The following THSD7A variants were observed in gnomAD, a reference collection of about 807,000 sequenced individuals.
The protein encoded by THSD7A is thrombospondin type-1 domain-containing protein 7A.
Under a neutral mutation model 231.3 loss-of-function variants are expected in THSD7A, and 96 were observed. The ratio of observed to expected loss-of-function variants is 0.41; its 90% CI spans 0.35 to 0.49. The LOEUF is 0.49. Among genes scored for constraint, THSD7A ranks in the 20% least tolerant of loss-of-function variants. The pLI is 0.05. For synonymous variants in THSD7A, 940 were observed against 743.3 expected (o/e 1.26, Z -4.30); for missense variants, 2,290 against 2,070.2 (o/e 1.11, Z -2.06).
chr7:11,498,576 G>A (rs1351965050), intron 6 of THSD7A, among the ~76,000 whole-genome samples: 2 of 152,122 alleles, frequency 1.3e-5, no homozygotes, highest in Non-Finnish European at 2.9e-5. Context: ...AAGTGACCGG[G>A]GGCTGAAGTG....
At chr7:11,505,918 G>A (rs1157072631) in intron 6 of THSD7A, among the ~76,000 whole-genome samples, 2 of 152,162 alleles carry the variant, frequency 1.3e-5, no homozygotes, top group Admixed American at 1.3e-4. Context: ...GGACTTGCGG[G>A]ATGGGGAATC....
chr7:11,820,859 C>T (rs1341345775), intron 1 of THSD7A: 1 of 926,586 alleles, frequency 1.1e-6, no homozygotes, highest in South Asian at 1.3e-5. Flanking sequence ...TTTCTGTTTT[C>T]TCAGCTGACC....
intron 4 of THSD7A, among the ~76,000 whole-genome samples, chr7:11,581,935 T>C (rs201045499): frequency 6.6e-6 from 1 of 152,150 alleles, no homozygotes; most frequent in Non-Finnish European, 1.5e-5. Flanking sequence ...CCAGCGGTGG[T>C]GACTGTTTGG....
chr7:11,469,763 A>C (rs763937593), intron 9 of THSD7A, 116 bp downstream of exon 9: 4 of 626,510 alleles, frequency 6.4e-6, no homozygotes, highest in Non-Finnish European at 1.1e-5. Flanking sequence ...ATGCATGTCA[A>C]ATCAGGTTTA....
chr7:11,429,452 G>T (rs1784415856), intron 13 of THSD7A, among the ~76,000 whole-genome samples: 1 of 152,192 alleles, frequency 6.6e-6, no homozygotes, highest in Non-Finnish European at 1.5e-5. Context: ...CTGACAGAAT[G>T]ATACATTAAA....
intron 2 of THSD7A, among the ~76,000 whole-genome samples, chr7:11,602,029 A>T (rs1282066956): frequency 1.3e-5 from 2 of 152,194 alleles, no homozygotes; most frequent in Non-Finnish European, 2.9e-5. Context: ...TTTTTAGCCA[A>T]TGCCAAAGTT....
At chr7:11,719,146 G>C (rs1340088305) in intron 1 of THSD7A, among the ~76,000 whole-genome samples, 1 of 151,516 alleles carries the variant, frequency 6.6e-6, no homozygotes. Flanking sequence ...TAAGCCTTTT[G>C]ATTACCTATT....
intron 6 of THSD7A, among the ~76,000 whole-genome samples, chr7:11,522,563 T>C (rs909634805): frequency 4.6e-5 from 7 of 152,210 alleles, no homozygotes; most frequent in Admixed American, 2.0e-4. Flanking sequence ...TGACATAAAA[T>C]CTGTGGTTGA....
intron 2 of THSD7A, among the ~76,000 whole-genome samples, chr7:11,621,700 TACTA>T (rs1781316087): frequency 6.6e-6 from 1 of 152,094 alleles, no homozygotes; most frequent in Non-Finnish European, 1.5e-5. Context: ...TTCCGTGTCT[TACTA>T]GTTAGGATAT....
intron 1 of THSD7A, among the ~76,000 whole-genome samples, chr7:11,708,882 A>C (rs534351181): frequency 8.0e-5 from 12 of 150,788 alleles, no homozygotes; most frequent in Non-Finnish European, 1.5e-4. Flanking sequence ...AAATGTTTAG[A>C]CACTGTACAT....
At chr7:11,681,124 T>C (rs928228488) in intron 1 of THSD7A, among the ~76,000 whole-genome samples, 1 of 152,062 alleles carries the variant, frequency 6.6e-6, no homozygotes, top group Non-Finnish European at 1.5e-5. Flanking sequence ...CGCTGCATCT[T>C]CTCACTTATA....
chr7:11,391,970 T>A (rs1213132107), intron 23 of THSD7A, among the ~76,000 whole-genome samples: 2 of 152,076 alleles, frequency 1.3e-5, no homozygotes, highest in Non-Finnish European at 2.9e-5. Context: ...GTACCTCAAT[T>A]GGAAATGTAG....
intron 1 of THSD7A, among the ~76,000 whole-genome samples, chr7:11,693,507 CTA>C (rs1440655483): frequency 2.0e-5 from 3 of 151,468 alleles, no homozygotes; most frequent in Non-Finnish European, 4.4e-5. Flanking sequence ...AGATTAACAT[CTA>C]GTCTTTGTTT....
chr7:11,502,826 A>G (rs1177776544), intron 6 of THSD7A, among the ~76,000 whole-genome samples: 1 of 152,196 alleles, frequency 6.6e-6, no homozygotes, highest in Non-Finnish European at 1.5e-5. Context: ...ATGGAAAAAC[A>G]TGCCATGCTG....
intron 1 of THSD7A, among the ~76,000 whole-genome samples, chr7:11,798,252 T>A (rs1484554813): frequency 3.9e-5 from 6 of 151,930 alleles, no homozygotes; most frequent in Non-Finnish European, 7.4e-5. Flanking sequence ...GGAGGATCAC[T>A]TGAGGTCAAG....
intron 1 of THSD7A, among the ~76,000 whole-genome samples, chr7:11,657,634 T>A (rs1224939552): frequency 6.6e-6 from 1 of 151,880 alleles, no homozygotes; most frequent in Non-Finnish European, 1.5e-5. Context: ...ATAGTTATAT[T>A]GTATCCTCTA....
At chr7:11,826,833 A>AC (rs150186102) in intron 1 of THSD7A, among the ~76,000 whole-genome samples, 2 of 144,760 alleles carry the variant, frequency 1.4e-5, no homozygotes, top group Admixed American at 6.8e-5. Context: ...AAAAAAAAAA[A>AC]TGCAAATGCC....
chr7:11,799,754 ATACACAAAGC>A (rs1323064913), intron 1 of THSD7A, among the ~76,000 whole-genome samples: 1 of 152,202 alleles, frequency 6.6e-6, no homozygotes, highest in African/African-American at 2.4e-5. Flanking sequence ...AATGATTATC[ATACACAAAGC>A]TACACAAAGC....
At chr7:11,407,112 T>C in intron 20 of THSD7A, 57 bp from the exon 21 acceptor site, 2 of 1,591,104 alleles carry the variant, frequency 1.3e-6, no homozygotes, top group Non-Finnish European at 1.7e-6. Context: ...TGCAAGCATA[T>C]ATCTCATTGG....
Sources: gnomAD v4.1 joint callset for allele counts (sites outside exome capture counted in the v4.1 genomes callset) on GRCh38, gnomAD v4.1.1 for gene constraint, MANE v1.5 for transcripts, NCBI Gene and HGNC (gene_info 2026-07-23, HGNC 2026-07-21) for gene names.